TNRC6B: variants seen among roughly 807,000 people sequenced by gnomAD.
The protein encoded by TNRC6B is trinucleotide repeat-containing gene 6B protein.
Under a neutral mutation model 203.6 loss-of-function variants are expected in TNRC6B, and 52 were observed. The ratio of observed to expected loss-of-function variants is 0.26; its 90% confidence interval spans 0.20 to 0.32. The LOEUF is 0.32. Ranked by LOEUF, TNRC6B falls within the 10% of genes least tolerant of loss-of-function variation. The pLI is 1.00. For synonymous variants in TNRC6B, 838 were observed against 845.7 expected (o/e 0.99, Z 0.16); for missense variants, 1,923 against 2,286.2 (o/e 0.84, Z 3.24).
intron 1 of TNRC6B, among the ~76,000 whole-genome samples, chr22:40,066,538 C>T (rs2067894772): frequency 6.6e-6 from 1 of 152,086 alleles, no homozygotes; most frequent in Non-Finnish European, 1.5e-5. Context: ...CTGGGTAATA[C>T]TGTTTGAGGT....
rs567675221 is a variant in TNRC6B, at chr22:40,243,014, G to C, written c.6-3001G>C. ...CTCTCGAGTAGCTGAGACTACAGGCGTGTGCCACCACGCCCAGCTAATTTT... is the reference window on the plus strand; with the variant it reads ...CTCTCGAGTAGCTGAGACTACAGGCCTGTGCCACCACGCCCAGCTAATTTT... On this transcript the variant is annotated intron_variant, in intron 1 of 22. Transcript: ENST00000454349. Among the ~76,000 whole-genome samples the C allele has an allele frequency of 5.3e-5, 8 of 151,870 alleles. No individual in the cohort carries two copies. In the East Asian group the frequency reaches 1.4e-3, roughly 26 times the overall value.
chr22:40,313,029 TTAGCA>T (rs2071207810), intron 19 of TNRC6B, 32 bp downstream of exon 19: 1 of 1,548,594 alleles, frequency 6.5e-7, no homozygotes, highest in Non-Finnish European at 8.9e-7. Flanking sequence ...TTCCCTTTGG[TTAGCA>T]CTTTTTCATC....
chr22:40,153,783 G>C (rs2068783681), intron 3 of TNRC6B, among the ~76,000 whole-genome samples: 1 of 151,500 alleles, frequency 6.6e-6, no homozygotes, highest in African/African-American at 2.4e-5. Context: ...GGGGTGGAAA[G>C]TACTGTTTTT....
chr22:40,225,862 C>T (rs1387675444), intron 1 of TNRC6B, among the ~76,000 whole-genome samples: 4 of 151,456 alleles, frequency 2.6e-5, no homozygotes, highest in Non-Finnish European at 5.9e-5. Context: ...CCTGGGTTAC[C>T]TAAGTAGAAA....
intron 5 of TNRC6B, among the ~76,000 whole-genome samples, chr22:40,267,613 C>G (rs1353264958): frequency 1.3e-5 from 2 of 152,090 alleles, no homozygotes; most frequent in Admixed American, 1.3e-4. Context: ...ACCTGTAATC[C>G]CAGCACTATG....
rs936022858 is a variant in TNRC6B at position 40,283,032 on chromosome 22, A to T, written c.3582+1743A>T. 4.0e-5 allele frequency among the ~76,000 whole-genome samples: 6 copies of T among 151,320 alleles called. No individual in the cohort carries two copies. The South Asian group carries it at 1.0e-3, about 26-fold the overall frequency. Reference sequence around the variant, plus strand: ...GTTTATTTTTCATTTTTTATTTTTTATTTATTTATTTATTTATTTTGAGAT... The same window carrying T: ...GTTTATTTTTCATTTTTTATTTTTTTTTTATTTATTTATTTATTTTGAGAT... On this transcript the variant is annotated intron_variant, in intron 11 of 22. Coordinates refer to ENST00000454349, the MANE Select transcript of TNRC6B (RefSeq NM_001162501.2).
intron 1 of TNRC6B, among the ~76,000 whole-genome samples, chr22:40,214,138 G>C (rs553387507): frequency 6.6e-6 from 1 of 152,028 alleles, no homozygotes; most frequent in Non-Finnish European, 1.5e-5. Flanking sequence ...GTGGTGGTGC[G>C]CACCTGTAGC....
At chr22:40,227,326 G>A (rs1312941607) in intron 1 of TNRC6B, among the ~76,000 whole-genome samples, 1 of 149,108 alleles carries the variant, frequency 6.7e-6, no homozygotes, top group African/African-American at 2.5e-5. Flanking sequence ...TGGGGTTATA[G>A]GCGTGAGCTA....
chr22:40,301,029 C>G, intron 14 of TNRC6B, 24 bp downstream of exon 14: 1 of 1,604,056 alleles, frequency 6.2e-7, no homozygotes. Context: ...CAGGGTCCCT[C>G]CAGTGCTGTG....
chr22:40,312,796 A>AT (rs1297242904), intron 18 of TNRC6B, 106 bp from the exon 19 acceptor site: 69 of 1,475,802 alleles, frequency 4.7e-5, no homozygotes, highest in Non-Finnish European at 6.4e-5. Context: ...TGTTAGACAT[A>AT]TTTTGTCCTC....
At chr22:40,298,920 A>G (rs1490179344) in intron 12 of TNRC6B, among the ~76,000 whole-genome samples, 1 of 151,644 alleles carries the variant, frequency 6.6e-6, no homozygotes, top group Non-Finnish European at 1.5e-5. Flanking sequence ...GAGCCAAGAT[A>G]GCGCCACTGC....
At chr22:40,057,620 A>G (rs1193192365) in intron 1 of TNRC6B, among the ~76,000 whole-genome samples, 1 of 152,112 alleles carries the variant, frequency 6.6e-6, no homozygotes, top group Non-Finnish European at 1.5e-5. Flanking sequence ...GCATGTCTTT[A>G]TTTAAAAAAA....
Position 40,261,989 on chromosome 22 carries a change from G to T in TNRC6B, c.273G>T (p.Val91=), listed in dbSNP as rs781507839. 1.3e-5 allele frequency: 21 copies of T among 1,611,014 alleles called. No homozygotes were observed. In the East Asian group the frequency reaches 1.8e-4, roughly 14 times the overall value. The change falls in exon 4 of 23, where the codon GTG becomes GTT. Residue 91 remains valine, a synonymous_variant. Transcript: ENST00000454349. ...PSAARYMPRE[V]PPRFRCQQDH... Reference sequence around the variant, plus strand: ...CCGCCCGCTACATGCCTCGGGAGGTGCCGCCGCGATTCCGTTGCCAGCAGG... The same window carrying T: ...CCGCCCGCTACATGCCTCGGGAGGTTCCGCCGCGATTCCGTTGCCAGCAGG...
At chr22:40,216,827 C>T (rs930727187) in intron 1 of TNRC6B, among the ~76,000 whole-genome samples, 10 of 152,120 alleles carry the variant, frequency 6.6e-5, no homozygotes, top group African/African-American at 2.4e-4. Flanking sequence ...ATATTGAAAA[C>T]GTACATACTC....
intron 1 of TNRC6B, among the ~76,000 whole-genome samples, chr22:40,244,176 C>T (rs2070071785): frequency 6.6e-6 from 1 of 152,176 alleles, no homozygotes; most frequent in South Asian, 2.1e-4. Context: ...CTGAGATGAT[C>T]AACATCCATC....
intron 6 of TNRC6B, among the ~76,000 whole-genome samples, chr22:40,272,767 T>C (rs1446791936): frequency 6.6e-6 from 1 of 152,226 alleles, no homozygotes; most frequent in Non-Finnish European, 1.5e-5. Context: ...CATTTTTTCC[T>C]TCTGTCTTTT....
At chr22:40,063,725 C>T (rs182769316) in intron 1 of TNRC6B, among the ~76,000 whole-genome samples, 1 of 150,894 alleles carries the variant, frequency 6.6e-6, no homozygotes, top group Non-Finnish European at 1.5e-5. Context: ...GTTTTTGAGA[C>T]AGGGTCTCAC....
chr22:40,088,275 G>A (rs1017550586), intron 1 of TNRC6B, among the ~76,000 whole-genome samples: 1 of 152,226 alleles, frequency 6.6e-6, no homozygotes, highest in Non-Finnish European at 1.5e-5. Context: ...AATAGGTGGT[G>A]AAGCAGGAAC....
At chr22:40,222,738 T>C (rs1429458832) in intron 1 of TNRC6B, among the ~76,000 whole-genome samples, 1 of 105,164 alleles carries the variant, frequency 9.5e-6, no homozygotes, top group African/African-American at 3.4e-5. Context: ...CTTTTTTTTT[T>C]TTTTTTTTTT....
Sources: allele counts gnomAD v4.1 joint callset (sites outside exome capture counted in the v4.1 genomes callset), GRCh38; gene constraint gnomAD v4.1.1; transcripts MANE v1.5; gene names NCBI Gene and HGNC (gene_info 2026-07-23, HGNC 2026-07-21).